Variants in BRD4 observed in about 807,000 individuals in gnomAD.
BRD4 encodes the protein bromodomain-containing protein 4.
A neutral mutation model predicts 142.1 loss-of-function variants in BRD4; 16 were observed. That is an observed-to-expected ratio of 0.11 (90% CI 0.08 to 0.17). The LOEUF is 0.17. BRD4 is among the 10% of genes least tolerant of loss of function. The probability of loss-of-function intolerance (pLI) is 1.00; values close to 1 mark genes in which losing one functional copy is unlikely to be tolerated. For missense variants in BRD4, 1,424 were observed against 1,810.9 expected (o/e 0.79, Z 3.88); for synonymous variants, 833 against 707.5 (o/e 1.18, Z -2.82).
At chr19:15,286,379 GAAGT>G (rs2047740211) in intron 1 of BRD4, among the ~76,000 whole-genome samples, 1 of 152,184 alleles carries the variant, frequency 6.6e-6, no homozygotes, top group African/African-American at 2.4e-5. Flanking sequence ...CAGAGACAGG[GAAGT>G]AATAGGGACA....
At chr19:15,300,611 C>A (rs559248818) in intron 1 of BRD4, among the ~76,000 whole-genome samples, 1 of 150,486 alleles carries the variant, frequency 6.6e-6, no homozygotes. Flanking sequence ...GGCAATCACC[C>A]GTAAGACAAA....
intron 1 of BRD4, among the ~76,000 whole-genome samples, chr19:15,319,467 A>G (rs1207598547): frequency 6.6e-6 from 1 of 152,162 alleles, no homozygotes; most frequent in Non-Finnish European, 1.5e-5. Context: ...AATAAAAATA[A>G]GCTAGGCATG....
At chr19:15,302,664 G>A (rs1387318288) in intron 1 of BRD4, among the ~76,000 whole-genome samples, 5 of 46,836 alleles carry the variant, frequency 1.1e-4, no homozygotes, top group Non-Finnish European at 1.3e-4. Context: ...GCAAGACTCC[G>A]ACTCAAAAAA....
intron 11 of BRD4, among the ~76,000 whole-genome samples, chr19:15,245,232 AAGC>A (rs1311352499): frequency 2.6e-5 from 4 of 152,068 alleles, no homozygotes; most frequent in African/African-American, 9.6e-5. Flanking sequence ...CATGGCTAAA[AAGC>A]AGCTTCTCGG....
intron 14 of BRD4, among the ~76,000 whole-genome samples, chr19:15,242,209 C>T (rs2047243468): frequency 6.6e-6 from 1 of 152,194 alleles, no homozygotes; most frequent in Non-Finnish European, 1.5e-5. Flanking sequence ...AGACAGGCAG[C>T]ACCATCTACA....
chr19:15,332,101 G>A (rs1010497537), intron 1 of BRD4, among the ~76,000 whole-genome samples, 189 bp downstream of exon 1: 2 of 146,056 alleles, frequency 1.4e-5, no homozygotes, highest in Middle Eastern at 3.3e-3. Context: ...CCCCGGCCCG[G>A]AACGAACGGC....
chr19:15,257,332 G>A (rs2047422751), intron 7 of BRD4, 159 bp from the exon 8 acceptor site: 1 of 660,946 alleles, frequency 1.5e-6, no homozygotes, highest in Non-Finnish European at 2.5e-6. Context: ...AGGGGCAAGG[G>A]CCAGCCAAGG....
chr19:15,294,200 T>A (rs2047805709), intron 1 of BRD4, among the ~76,000 whole-genome samples: 1 of 152,278 alleles, frequency 6.6e-6, no homozygotes, highest in South Asian at 2.1e-4. Context: ...CATTTCTGTG[T>A]TGAGCAAAAC....
intron 13 of BRD4, 29 bp from the exon 14 acceptor site, chr19:15,243,516 G>C: frequency 6.6e-7 from 1 of 1,523,306 alleles, no homozygotes; most frequent in Non-Finnish European, 8.8e-7. Context: ...GAGGCGGTGA[G>C]GCCTGAGCAC....
intron 2 of BRD4, among the ~76,000 whole-genome samples, chr19:15,271,920 G>A (rs1435320270): frequency 6.7e-6 from 1 of 149,946 alleles, no homozygotes; most frequent in Non-Finnish European, 1.5e-5. Flanking sequence ...ACACACCAGT[G>A]GCTCTGGTGT....
In BRD4 at chr19:15,244,270, G is replaced by T; in HGVS notation, c.2542C>A (p.Pro848Thr). The change falls in exon 13 of 20, where the codon CCA (proline) becomes ACA (threonine). Residue 848 changes from proline (P) to threonine (T), a missense_variant. Transcript: ENST00000679869. ...ACTGCGTGCTGGTTGAGATGGGGTG[G>T]AGTGCTGTGCTCAGGCGGCTGGGGC... ...HLPQPPEHST[P>T]PHLNQHAVVS... The T allele has an allele frequency of 6.3e-7, 1 of 1,586,514 alleles. No homozygotes were observed. Among genetic ancestry groups the T allele is most frequent in the Admixed American group, 1.8e-5 (1 of 55,320 alleles).
intron 11 of BRD4, chr19:15,249,177 T>TG: frequency 6.3e-7 from 1 of 1,585,616 alleles, no homozygotes; most frequent in Non-Finnish European, 8.6e-7. Flanking sequence ...CATAACTTGA[T>TG]GGAGTCCTGT....
chr19:15,297,148 C>G (rs1431739264), intron 1 of BRD4, among the ~76,000 whole-genome samples: 1 of 152,238 alleles, frequency 6.6e-6, no homozygotes, highest in African/African-American at 2.4e-5. Context: ...CCCTTTGACA[C>G]ACAAAGTCAC....
chr19:15,280,333 C>T (rs1568396174), intron 1 of BRD4: 3 of 1,013,728 alleles, frequency 3.0e-6, no homozygotes, highest in Admixed American at 5.9e-5. Flanking sequence ...GCTTGGCCAG[C>T]AGCACCACAC....
At chr19:15,313,233 C>T (rs921449198) in intron 1 of BRD4, among the ~76,000 whole-genome samples, 11 of 151,628 alleles carry the variant, frequency 7.3e-5, no homozygotes, top group Non-Finnish European at 1.5e-4. Context: ...ATTAGCCGGG[C>T]GTGGTGGCGG....
chr19:15,304,360 C>A (rs750624692), intron 1 of BRD4, among the ~76,000 whole-genome samples: 7 of 152,202 alleles, frequency 4.6e-5, no homozygotes, highest in Non-Finnish European at 7.3e-5. Context: ...CTGGCCTAAC[C>A]AAGCTGTGCC....
At chr19:15,242,295 G>A (rs146432178) in intron 14 of BRD4, among the ~76,000 whole-genome samples, 11 of 152,166 alleles carry the variant, frequency 7.2e-5, no homozygotes, top group Non-Finnish European at 1.3e-4. Context: ...TCCCCTGCCG[G>A]AGCCAGCCAG....
At chr19:15,304,790 G>T (rs2047899709) in intron 1 of BRD4, among the ~76,000 whole-genome samples, 1 of 152,088 alleles carries the variant, frequency 6.6e-6, no homozygotes, top group South Asian at 2.1e-4. Flanking sequence ...CAGTTTTGCA[G>T]CCAAGGAAGC....
Position 15,239,855 on chromosome 19 carries a change from G to T in BRD4, c.3283-34C>A. 2 of 1,613,888 alleles carry T rather than the reference G, an allele frequency of 1.2e-6. No homozygotes were observed. Among genetic ancestry groups the T allele is most frequent in the Non-Finnish European group, 8.5e-7 (1 of 1,180,000 alleles). Reference sequence around the variant, plus strand: ...GCACAGGCACAGCGGCCGGTGAGGTGGGCAGGCACCCCCGGCCCTAGCCCA... The same window carrying T: ...GCACAGGCACAGCGGCCGGTGAGGTTGGCAGGCACCCCCGGCCCTAGCCCA... On this transcript the variant is annotated intron_variant, in intron 15 of 19. Coordinates refer to ENST00000679869, the MANE Select transcript of BRD4 (RefSeq NM_001379291.1). This position sits in a 1 kb window ranked among gnomAD's most constrained non-coding sequence, Gnocchi z 7.4.
Sources: gnomAD v4.1 joint callset for allele counts (sites outside exome capture counted in the v4.1 genomes callset) on GRCh38, gnomAD v4.1.1 for gene constraint, Gnocchi (gnomAD v3.1) non-coding constraint, MANE v1.5 for transcripts, NCBI Gene and HGNC (gene_info 2026-07-23, HGNC 2026-07-21) for gene names.